Variants in ZNF676 observed in about 807,000 individuals in gnomAD.
The protein encoded by ZNF676 is zinc finger protein 676.
A neutral mutation model predicts 6.0 loss-of-function variants in ZNF676; 4 were observed. The observed-to-expected ratio is 0.67, with a 90% CI of 0.33 to 1.53. The LOEUF is 1.53. Among genes scored for constraint, ZNF676 ranks in the 40% most tolerant of loss-of-function variants. ZNF676 has a pLI of 0.06. For missense variants in ZNF676, 644 were observed against 679.7 expected (o/e 0.95, Z 0.58); for synonymous variants, 198 against 223.1 (o/e 0.89, Z 1.00).
At chr19:22,201,099 A>G (rs2024021515), upstream of ZNF676, among the ~76,000 whole-genome samples, 1 of 152,180 alleles carries the variant, frequency 6.6e-6, no homozygotes, top group Non-Finnish European at 1.5e-5. Flanking sequence ...GCTGAACTCC[A>G]GAATCTGGGT....
At chr19:22,197,512 CT>C (rs1283014508), upstream of ZNF676, among the ~76,000 whole-genome samples, 1 of 151,054 alleles carries the variant, frequency 6.6e-6, no homozygotes, top group Non-Finnish European at 1.5e-5. Flanking sequence ...TGCTGAATTT[CT>C]AATAAGCTCA....
At chr19:22,184,346 T>C (rs1386066668) in intron 2 of ZNF676, among the ~76,000 whole-genome samples, 1 of 152,182 alleles carries the variant, frequency 6.6e-6, no homozygotes, top group Non-Finnish European at 1.5e-5. Context: ...TGCTTTTCCA[T>C]GGTCTTCACA....
At chr19:22,214,061 C>T (rs761675994) in intron 1 of ZNF676, among the ~76,000 whole-genome samples, 12 of 152,128 alleles carry the variant, frequency 7.9e-5, no homozygotes, top group Non-Finnish European at 1.6e-4. Flanking sequence ...TCAAAATGTA[C>T]ACTAAAGGAC....
chr19:22,216,934 T>TA (rs368316740), upstream of ZNF676, among the ~76,000 whole-genome samples: 52,323 of 136,718 alleles, frequency 0.38, 9,746 homozygotes, highest in South Asian at 0.43. Context: ...AGACTCTTTC[T>TA]AAAAAAAAAA....
At chr19:22,247,576 A>C in the ZNF676 span, among the ~76,000 whole-genome samples, 1 of 150,314 alleles carries the variant, frequency 6.7e-6, no homozygotes, top group African/African-American at 2.5e-5. Context: ...AAAAAAAAAA[A>C]ATTTAGGGGG....
At chr19:22,215,264 A>C (rs950660179) in intron 1 of ZNF676, among the ~76,000 whole-genome samples, 4 of 152,074 alleles carry the variant, frequency 2.6e-5, no homozygotes, top group Admixed American at 1.3e-4. Flanking sequence ...TTTTAATGGG[A>C]GAATACAGGA....
chr19:22,248,105 C>T, the ZNF676 span, among the ~76,000 whole-genome samples: 1 of 151,726 alleles, frequency 6.6e-6, no homozygotes, highest in Non-Finnish European at 1.5e-5. Context: ...GCATAGTATT[C>T]CATGGTGTAT....
intron 2 of ZNF676, among the ~76,000 whole-genome samples, chr19:22,188,614 A>C (rs551009510): frequency 1.3e-5 from 2 of 152,266 alleles, no homozygotes; most frequent in Admixed American, 1.3e-4. Context: ...AGAAAACCCC[A>C]TTGTCTCAGC....
intron 2 of ZNF676, among the ~76,000 whole-genome samples, chr19:22,187,135 G>C (rs1218506105): frequency 2.6e-5 from 4 of 152,082 alleles, no homozygotes; most frequent in Non-Finnish European, 5.9e-5. Flanking sequence ...ACAGTCCTCA[G>C]CAAAAGTAAA....
At chr19:22,187,573 A>AG (rs1204983325) in intron 2 of ZNF676, among the ~76,000 whole-genome samples, 1 of 152,056 alleles carries the variant, frequency 6.6e-6, no homozygotes, top group Non-Finnish European at 1.5e-5. Context: ...CAGTGAATCC[A>AG]GGAGCTATTT....
chr19:22,219,289 G>C (rs1402837205), upstream of ZNF676, among the ~76,000 whole-genome samples: 1 of 151,736 alleles, frequency 6.6e-6, no homozygotes, highest in Non-Finnish European at 1.5e-5. Flanking sequence ...AGTAGAGATG[G>C]GGTTTTACCA....
At chr19:22,236,516 T>A in the ZNF676 span, among the ~76,000 whole-genome samples, 1 of 152,046 alleles carries the variant, frequency 6.6e-6, no homozygotes. Flanking sequence ...AGTTACCCCA[T>A]AAAAGGCCAG....
At chr19:22,216,429 C>T (rs953075647), upstream of ZNF676, among the ~76,000 whole-genome samples, 2 of 150,318 alleles carry the variant, frequency 1.3e-5, no homozygotes, top group African/African-American at 2.4e-5. Flanking sequence ...GAGTGAAACG[C>T]CAGCTCAAAA....
the ZNF676 span, among the ~76,000 whole-genome samples, chr19:22,242,908 G>A: frequency 9.2e-4 from 140 of 151,972 alleles, 1 homozygote; most frequent in South Asian, 0.025. Context: ...ATGCATCACA[G>A]TTCCCACTGT....
the ZNF676 span, among the ~76,000 whole-genome samples, chr19:22,230,570 A>G: frequency 6.6e-6 from 1 of 151,680 alleles, no homozygotes; most frequent in Non-Finnish European, 1.5e-5. Flanking sequence ...AAAATGACAC[A>G]TAATCATATC....
intron 1 of ZNF676, among the ~76,000 whole-genome samples, chr19:22,210,614 T>A (rs2024118949): frequency 6.6e-6 from 1 of 152,192 alleles, no homozygotes; most frequent in Non-Finnish European, 1.5e-5. Flanking sequence ...ATCCTCTGTG[T>A]TCTCCAGGAA....
the ZNF676 span, among the ~76,000 whole-genome samples, chr19:22,260,198 G>A: frequency 1.3e-5 from 2 of 152,120 alleles, no homozygotes; most frequent in African/African-American, 4.8e-5. Context: ...CCCAACCCCT[G>A]CCCAGCGGTG....
chr19:22,229,463 C>T, the ZNF676 span, among the ~76,000 whole-genome samples: 1 of 152,320 alleles, frequency 6.6e-6, no homozygotes, highest in Admixed American at 6.5e-5. Flanking sequence ...ATGACTAAAA[C>T]AGCAAAAGCA....
At chr19:22,205,400 A>G (rs1226448205) in intron 1 of ZNF676, among the ~76,000 whole-genome samples, 1 of 152,146 alleles carries the variant, frequency 6.6e-6, no homozygotes, top group Non-Finnish European at 1.5e-5. Context: ...TTGACCACAC[A>G]ATCAGAAAAA....
Sources: gnomAD v4.1 joint callset for allele counts (sites outside exome capture counted in the v4.1 genomes callset) on GRCh38, gnomAD v4.1.1 for gene constraint, MANE v1.5 for transcripts, NCBI Gene and HGNC (gene_info 2026-07-23, HGNC 2026-07-21) for gene names.